Variants in GALNT13 observed in about 807,000 individuals in gnomAD.
The protein encoded by GALNT13 is polypeptide N-acetylgalactosaminyltransferase 13, also known as UDP-GalNAc:polypeptide N-acetylgalactosaminyltransferase 13.
In GALNT13, 28 loss-of-function variants were observed where a neutral mutation model predicts 64.2. The ratio of observed to expected loss-of-function variants is 0.44; its 90% CI spans 0.32 to 0.60. The LOEUF (loss-of-function observed/expected upper bound fraction) is 0.60, where lower values mean the gene tolerates loss of function less well. Among genes scored for constraint, GALNT13 ranks in the 20% least tolerant of loss-of-function variants. The pLI, the probability that GALNT13 is intolerant of heterozygous loss-of-function variation, is 0.05. For missense variants in GALNT13, 577 were observed against 669.8 expected, an observed-to-expected ratio of 0.86 and a Z score of 1.53; for synonymous variants, 214 against 224.6, an observed-to-expected ratio of 0.95 and a Z score of 0.42.
At chr2:153,143,156 G>A in the GALNT13 span, among the ~76,000 whole-genome samples, 1 of 151,914 alleles carries the variant, frequency 6.6e-6, no homozygotes, top group Admixed American at 6.6e-5. Context: ...GGCTACTTCT[G>A]GTGCAGGCTC....
chr2:154,035,062 A>G (rs1397685364), intron 3 of GALNT13, among the ~76,000 whole-genome samples: 1 of 152,162 alleles, frequency 6.6e-6, no homozygotes, highest in Non-Finnish European at 1.5e-5. Context: ...ACTACTGGGT[A>G]TATTCACTTG....
At chr2:154,153,813 G>A (rs1020636263) in intron 4 of GALNT13, among the ~76,000 whole-genome samples, 3 of 152,340 alleles carry the variant, frequency 2.0e-5, no homozygotes, top group African/African-American at 4.8e-5. Flanking sequence ...GGAGTGACCC[G>A]ATTTTCCAGG....
chr2:153,528,014 A>G, the GALNT13 span, among the ~76,000 whole-genome samples: 1 of 151,974 alleles, frequency 6.6e-6, no homozygotes, highest in Non-Finnish European at 1.5e-5. Context: ...GGAAAGCAAG[A>G]AGGGAGGGGG....
chr2:153,221,365 C>T, the GALNT13 span, among the ~76,000 whole-genome samples: 1 of 152,134 alleles, frequency 6.6e-6, no homozygotes, highest in African/African-American at 2.4e-5. Flanking sequence ...TCGTCTAAAC[C>T]ACTTTAAACA....
At chr2:153,870,641 A>T (rs2105205784), upstream of GALNT13, among the ~76,000 whole-genome samples, 1 of 151,882 alleles carries the variant, frequency 6.6e-6, no homozygotes, top group South Asian at 2.1e-4. Context: ...AGTTATTAAC[A>T]TAGAAATTTA....
chr2:153,998,592 G>A (rs1021712178), intron 3 of GALNT13, among the ~76,000 whole-genome samples: 7 of 152,092 alleles, frequency 4.6e-5, no homozygotes, highest in African/African-American at 1.7e-4. Flanking sequence ...CATTCTGTAG[G>A]TTGCCTGTTC....
At chr2:153,747,708 T>G in the GALNT13 span, among the ~76,000 whole-genome samples, 22 of 152,212 alleles carry the variant, frequency 1.4e-4, 1 homozygote, top group South Asian at 3.5e-3. Context: ...ATTACAGACG[T>G]GAGCCACTGC....
chr2:154,307,423 A>G (rs183501407), intron 9 of GALNT13, among the ~76,000 whole-genome samples: 1 of 152,350 alleles, frequency 6.6e-6, no homozygotes, highest in African/African-American at 2.4e-5. Context: ...AGATGTATAA[A>G]TAGCTTCATG....
chr2:154,390,766 A>T (rs1466061909), intron 9 of GALNT13, among the ~76,000 whole-genome samples: 1 of 152,218 alleles, frequency 6.6e-6, no homozygotes, highest in Admixed American at 6.5e-5. Flanking sequence ...GGTACTCATT[A>T]TGCATCTTTA....
intron 11 of GALNT13, among the ~76,000 whole-genome samples, chr2:154,421,057 C>T (rs767014082): frequency 6.6e-6 from 1 of 151,824 alleles, no homozygotes; most frequent in Non-Finnish European, 1.5e-5. Context: ...AAAGATAGCA[C>T]AATAAGGCCA....
the GALNT13 span, among the ~76,000 whole-genome samples, chr2:153,398,493 G>A: frequency 1.1e-4 from 16 of 151,764 alleles, no homozygotes; most frequent in East Asian, 2.5e-3. Context: ...CTGAGGAATC[G>A]CCACACTGAC....
chr2:154,369,369 G>T (rs1218558132), intron 9 of GALNT13, among the ~76,000 whole-genome samples: 1 of 152,074 alleles, frequency 6.6e-6, no homozygotes, highest in African/African-American at 2.4e-5. Context: ...ATATGTGCCT[G>T]ATTTCTGTGA....
At chr2:153,849,381 C>T in the GALNT13 span, among the ~76,000 whole-genome samples, 1 of 152,062 alleles carries the variant, frequency 6.6e-6, no homozygotes, top group Non-Finnish European at 1.5e-5. Flanking sequence ...CTCTAATACT[C>T]GATAATGAAC....
At chr2:153,874,902 A>G (rs1370131470) in intron 1 of GALNT13, among the ~76,000 whole-genome samples, 1 of 152,096 alleles carries the variant, frequency 6.6e-6, no homozygotes, top group Non-Finnish European at 1.5e-5. Flanking sequence ...GGGCCCTGAA[A>G]TGTGGCATCT....
the GALNT13 span, among the ~76,000 whole-genome samples, chr2:153,503,135 G>T: frequency 6.6e-6 from 1 of 152,128 alleles, no homozygotes; most frequent in Non-Finnish European, 1.5e-5. Flanking sequence ...TGGGGTTCTT[G>T]GTCATGAAGT....
chr2:153,688,615 T>G, the GALNT13 span, among the ~76,000 whole-genome samples: 1 of 151,962 alleles, frequency 6.6e-6, no homozygotes, highest in Non-Finnish European at 1.5e-5. Context: ...CACCCAAAGG[T>G]AGGTCTAAAA....
the GALNT13 span, among the ~76,000 whole-genome samples, chr2:153,687,940 A>G: frequency 6.6e-6 from 1 of 152,008 alleles, no homozygotes. Context: ...ATAATATTCA[A>G]TATTTCATAT....
the GALNT13 span, among the ~76,000 whole-genome samples, chr2:153,715,602 C>T: frequency 6.6e-6 from 1 of 152,204 alleles, no homozygotes; most frequent in East Asian, 1.9e-4. Context: ...CATCTCTAGT[C>T]TTTGGCATGT....
chr2:154,182,586 T>TG (rs1686019161), intron 4 of GALNT13, among the ~76,000 whole-genome samples: 2 of 150,410 alleles, frequency 1.3e-5, no homozygotes, highest in African/African-American at 2.4e-5. Flanking sequence ...ATAACTAATT[T>TG]TATCTGTTTT....
Sources: gnomAD v4.1 joint callset for allele counts (sites outside exome capture counted in the v4.1 genomes callset) on GRCh38, gnomAD v4.1.1 for gene constraint, MANE v1.5 for transcripts, NCBI Gene and HGNC (gene_info 2026-07-23, HGNC 2026-07-21) for gene names.